Variants in MMP16 observed in about 807,000 individuals in gnomAD.
The protein encoded by MMP16 is matrix metalloproteinase-16.
MMP16 carries 12 observed loss-of-function variants against 67.8 expected under a neutral mutation model. The ratio of observed to expected loss-of-function variants is 0.18; its 90% confidence interval spans 0.11 to 0.29. The LOEUF (loss-of-function observed/expected upper bound fraction) is 0.29. MMP16 is among the 10% of genes least tolerant of loss of function. MMP16 has a pLI of 1.00. For missense variants in MMP16, 475 were observed against 765.7 expected, an observed-to-expected ratio of 0.62 and a Z score of 4.48; for synonymous variants, 249 against 255.9, an observed-to-expected ratio of 0.97 and a Z score of 0.26.
At chr8:88,259,495 T>C (rs1197917504) in intron 1 of MMP16, among the ~76,000 whole-genome samples, 2 of 152,062 alleles carry the variant, frequency 1.3e-5, no homozygotes, top group South Asian at 2.1e-4. Context: ...AACAGTACTT[T>C]GGAGAATCAA....
chr8:88,311,741 G>T (rs188198175), intron 1 of MMP16, among the ~76,000 whole-genome samples: 1 of 152,066 alleles, frequency 6.6e-6, no homozygotes, highest in African/African-American at 2.4e-5. Context: ...CATCTTTAAT[G>T]TGAGAACCAC....
chr8:88,327,003 C>T, intron 1 of MMP16, 72 bp downstream of exon 1: 1 of 1,594,688 alleles, frequency 6.3e-7, no homozygotes, highest in Non-Finnish European at 8.6e-7. Flanking sequence ...TACAAGGATC[C>T]CAGGAGTGAA....
At chr8:88,114,226 A>G (rs994529098) in intron 6 of MMP16, among the ~76,000 whole-genome samples, 3 of 151,758 alleles carry the variant, frequency 2.0e-5, no homozygotes, top group African/African-American at 7.3e-5. Context: ...CCAATGTTGC[A>G]TATGTCTGAA....
intron 4 of MMP16, among the ~76,000 whole-genome samples, chr8:88,132,106 A>C (rs745905124): frequency 6.6e-6 from 1 of 151,858 alleles, no homozygotes; most frequent in Non-Finnish European, 1.5e-5. Context: ...TTTTACCAAA[A>C]TCTATTTTAG....
intron 1 of MMP16, among the ~76,000 whole-genome samples, chr8:88,297,308 T>C (rs915612032): frequency 1.3e-5 from 2 of 152,112 alleles, no homozygotes; most frequent in African/African-American, 4.8e-5. Flanking sequence ...TGCCAACAGC[T>C]AGAATAGAAG....
chr8:88,139,063 T>C (rs747255307), intron 4 of MMP16, among the ~76,000 whole-genome samples: 1 of 152,168 alleles, frequency 6.6e-6, no homozygotes, highest in Non-Finnish European at 1.5e-5. Flanking sequence ...CTCTAGGTTA[T>C]TTTGTCACCA....
intron 1 of MMP16, among the ~76,000 whole-genome samples, chr8:88,326,168 C>T (rs1229291380): frequency 6.6e-6 from 1 of 152,120 alleles, no homozygotes; most frequent in Non-Finnish European, 1.5e-5. Context: ...TGTATCCCAC[C>T]GTATATGTGA....
rs186836398 is a variant in MMP16 at position 88,056,521 on chromosome 8, A to C, written c.1223-243T>G. Among the ~76,000 whole-genome samples the C allele has an allele frequency of 1.6e-3, 246 of 151,982 alleles. 2 individuals are homozygous for C. Among genetic ancestry groups the C allele is most frequent in the African/African-American group, 5.5e-3 (227 of 41,506 alleles). Reference sequence around the variant, plus strand: ...TTTATTAATATAATAATATAACCAAAATTTGTGAGTGAATTTAAAAAATAA... The same window carrying C: ...TTTATTAATATAATAATATAACCAACATTTGTGAGTGAATTTAAAAAATAA... On this transcript the variant is annotated intron_variant, in intron 7 of 9. Transcript: ENST00000286614.
At chr8:88,059,522 C>G (rs1021004628) in intron 7 of MMP16, among the ~76,000 whole-genome samples, 49 of 152,208 alleles carry the variant, frequency 3.2e-4, no homozygotes, top group African/African-American at 1.1e-3. Flanking sequence ...AGATGGAATA[C>G]TAGTTATTCG....
chr8:88,103,737 GAATT>G (rs1437030798), intron 6 of MMP16, among the ~76,000 whole-genome samples: 2 of 151,870 alleles, frequency 1.3e-5, no homozygotes, highest in Non-Finnish European at 2.9e-5. Flanking sequence ...AAAACTCTCT[GAATT>G]AATTGCCAAA....
chr8:88,264,419 T>G (rs560804508), intron 1 of MMP16, among the ~76,000 whole-genome samples: 1 of 152,294 alleles, frequency 6.6e-6, no homozygotes, highest in African/African-American at 2.4e-5. Flanking sequence ...CAAGCTTATC[T>G]CTAACTCCTG....
At chr8:88,253,346 C>T (rs897193820) in intron 1 of MMP16, among the ~76,000 whole-genome samples, 1 of 152,006 alleles carries the variant, frequency 6.6e-6, no homozygotes, top group Non-Finnish European at 1.5e-5. Context: ...GAGTATAATA[C>T]ACACAGATAG....
intron 6 of MMP16, among the ~76,000 whole-genome samples, chr8:88,095,468 C>A (rs74830570): frequency 0.081 from 12,220 of 151,758 alleles, 518 homozygotes; most frequent in South Asian, 0.1. Flanking sequence ...ATCTGAATGC[C>A]TCTTTCAGTT....
intron 1 of MMP16, among the ~76,000 whole-genome samples, chr8:88,242,031 A>G (rs1810042402): frequency 6.6e-6 from 1 of 152,174 alleles, no homozygotes. Context: ...TCAATTTTTC[A>G]GTTTAAATGA....
At chr8:88,133,297 A>G (rs1808064185) in intron 4 of MMP16, among the ~76,000 whole-genome samples, 1 of 149,896 alleles carries the variant, frequency 6.7e-6, no homozygotes, top group Admixed American at 6.7e-5. Context: ...GAAAAATTAT[A>G]CAGCTCTGAC....
At chr8:88,052,813 T>C (rs1808287322) in intron 8 of MMP16, among the ~76,000 whole-genome samples, 1 of 152,192 alleles carries the variant, frequency 6.6e-6, no homozygotes. Flanking sequence ...CTGAAACTTC[T>C]TCCTACTCAA....
intron 1 of MMP16, among the ~76,000 whole-genome samples, chr8:88,281,316 G>A (rs1448743260): frequency 6.6e-6 from 1 of 152,208 alleles, no homozygotes; most frequent in Non-Finnish European, 1.5e-5. Flanking sequence ...TGGCTCATAG[G>A]AGATCATGGA....
At chr8:88,188,343 G>T (rs989964472) in intron 2 of MMP16, among the ~76,000 whole-genome samples, 1 of 152,054 alleles carries the variant, frequency 6.6e-6, no homozygotes, top group Non-Finnish European at 1.5e-5. Context: ...TGAAAGTACT[G>T]GGAGAACAAA....
chr8:88,080,157 A>T (rs1167166087), intron 6 of MMP16, among the ~76,000 whole-genome samples: 1 of 152,206 alleles, frequency 6.6e-6, no homozygotes, highest in Admixed American at 6.5e-5. Context: ...TCGCTGGATT[A>T]CCAGCATGGT....
Sources: allele counts gnomAD v4.1 joint callset (sites outside exome capture counted in the v4.1 genomes callset), GRCh38; gene constraint gnomAD v4.1.1; transcripts MANE v1.5; gene names NCBI Gene and HGNC (gene_info 2026-07-23, HGNC 2026-07-21).